IQSEC2: variants seen among roughly 807,000 people sequenced by gnomAD.
IQSEC2 encodes IQ motif and Sec7 domain ArfGEF 2.
IQSEC2 carries 6 observed loss-of-function variants against 74.6 expected under a neutral mutation model. The ratio of observed to expected loss-of-function variants is 0.08; its 90% CI spans 0.04 to 0.16. The LOEUF (loss-of-function observed/expected upper bound fraction) is 0.16. Among genes scored for constraint, IQSEC2 ranks in the 10% least tolerant of loss-of-function variants. The probability of loss-of-function intolerance (pLI) is 1.00; values close to 1 mark genes in which losing one functional copy is unlikely to be tolerated. For synonymous variants in IQSEC2, 494 were observed against 544.5 expected, an observed-to-expected ratio of 0.91 and a Z score of 1.29; for missense variants, 734 against 1,306.2, an observed-to-expected ratio of 0.56 and a Z score of 6.75.
chrX:53,292,668 C>T (rs1007247657), intron 1 of IQSEC2, among the ~76,000 whole-genome samples: 12 of 111,985 alleles, frequency 1.1e-4, no homozygotes, highest in African/African-American at 3.6e-4. Flanking sequence ...GAGTTGGGGA[C>T]ATCACTGAGG....
intron 1 of IQSEC2, among the ~76,000 whole-genome samples, chrX:53,306,388 G>A (rs782062691): frequency 7.2e-5 from 8 of 111,415 alleles, no homozygotes; most frequent in African/African-American, 1.3e-4. Context: ...CCAGGTGTCC[G>A]GTTCCTCGGC....
chrX:53,239,966 A>G (rs1268305056), intron 10 of IQSEC2, among the ~76,000 whole-genome samples: 1 of 111,744 alleles, frequency 8.9e-6, no homozygotes, highest in Non-Finnish European at 1.9e-5. Context: ...GCTCCCTGAG[A>G]ACAGGGACTA....
Position 53,320,956 on chromosome X carries a change from C to T in IQSEC2, c.168G>A (p.Gln56=), listed in dbSNP as rs1361617150. 1 of 1,159,273 alleles carries T rather than the reference C, an allele frequency of 8.6e-7. No homozygotes were observed. The highest frequency in any genetic ancestry group is 1.1e-6 in the Non-Finnish European group (1 of 872,026). Residue 56 remains glutamine, a synonymous_variant, in exon 1 of 15, where the codon CAG becomes CAA. Transcript: ENST00000642864. ...ELEGQLDQLT[Q]ENRDLREESQ... ...TCTCCTCTCGCAGGTCGCGGTTCTC[C>T]TGGGTGAGCTGGTCCAGCTGGCCCT... is the stretch of plus-strand genomic sequence containing the variant.
At chrX:53,249,938 CCT>C (rs2074360116) in intron 5 of IQSEC2, among the ~76,000 whole-genome samples, 1 of 111,585 alleles carries the variant, frequency 9.0e-6, no homozygotes, top group African/African-American at 3.3e-5. Flanking sequence ...GGCCAGGTCT[CCT>C]GTTTCCCAGA....
intron 1 of IQSEC2, among the ~76,000 whole-genome samples, chrX:53,317,998 C>T (rs1338687692): frequency 1.8e-5 from 2 of 112,087 alleles, no homozygotes; most frequent in African/African-American, 6.5e-5. Context: ...CTAAGGCTCT[C>T]CTGGCCTCTC....
intron 5 of IQSEC2, 49 bp from the exon 6 acceptor site, chrX:53,248,931 GCTCT>G: frequency 8.6e-7 from 1 of 1,160,584 alleles, no homozygotes; most frequent in Non-Finnish European, 1.2e-6. Context: ...CTGGAACTGT[GCTCT>G]CTGTCTCATT....
chrX:53,250,906 G>A lies in IQSEC2; in HGVS notation c.1670C>T (p.Pro557Leu). Residue 557 changes from proline (P) to leucine (L), a missense_variant, in exon 5 of 15, where the codon CCA (proline) becomes CTA (leucine). Pro to Leu is a moderately conservative substitution (Grantham distance 98, BLOSUM62 -3). Coordinates refer to ENST00000642864, the MANE Select transcript of IQSEC2 (RefSeq NM_001111125.3). ...APAPLPPVPP[P>L]VPSGTREDGS... ...GTCTTCCCGGGTTCCTGATGGCACT[G>A]GTGGAGGAACTGGCGGGAGAGGGGC... is the stretch of plus-strand genomic sequence containing the variant. 8.3e-7 allele frequency: 1 copy of A among 1,210,912 alleles called. No homozygotes were observed. The highest frequency in any genetic ancestry group is 1.1e-6 in the Non-Finnish European group (1 of 894,439).
At chrX:53,225,827 C>CT (rs1330708047), downstream of IQSEC2, 3 of 112,321 alleles carry the variant, frequency 2.7e-5, no homozygotes, top group African/African-American at 9.7e-5. Context: ...GGAAGGAAAT[C>CT]TTTATTTCAT....
chrX:53,243,559 GGC>G (rs1556861425), intron 8 of IQSEC2, 88 bp from the exon 9 acceptor site: 1 of 1,079,227 alleles, frequency 9.3e-7, no homozygotes, highest in Non-Finnish European at 1.2e-6. Flanking sequence ...CCCAGGCACG[GGC>G]CACGATAGTC....
At chrX:53,235,877 C>A (rs782440035) in intron 13 of IQSEC2, 45 bp from the exon 14 acceptor site, 18 of 1,129,874 alleles carry the variant, frequency 1.6e-5, no homozygotes, top group Middle Eastern at 2.9e-4. Context: ...AGCAACCCCC[C>A]CCCTACCCTG....
chrX:53,286,800 T>C (rs5978151), intron 2 of IQSEC2, among the ~76,000 whole-genome samples: 14,733 of 108,430 alleles, frequency 0.14, 2,481 homozygotes, highest in African/African-American at 0.47. Context: ...ATTAGCTGGG[T>C]GTGGTGGCAC....
At chrX:53,271,351 G>A (rs1556868630) in intron 2 of IQSEC2, among the ~76,000 whole-genome samples, 1 of 112,203 alleles carries the variant, frequency 8.9e-6, no homozygotes, top group African/African-American at 3.2e-5. Context: ...GGGGTAGGAT[G>A]AAAGTTAGTA....
At chrX:53,303,397 A>G (rs1382765806) in intron 1 of IQSEC2, among the ~76,000 whole-genome samples, 1 of 111,284 alleles carries the variant, frequency 9.0e-6, no homozygotes, top group Non-Finnish European at 1.9e-5. Context: ...ACTTCCCTAA[A>G]CCACAAGTGG....
downstream of IQSEC2, chrX:53,230,441 T>C (rs1453459016): frequency 8.8e-6 from 1 of 113,042 alleles, no homozygotes; most frequent in African/African-American, 3.2e-5. Flanking sequence ...GCACTAGCCA[T>C]GTTTCGAGTG....
chrX:53,243,141 G>T (rs984411704), intron 9 of IQSEC2, among the ~76,000 whole-genome samples, 191 bp downstream of exon 9: 20 of 112,152 alleles, frequency 1.8e-4, no homozygotes, highest in Non-Finnish European at 3.4e-4. Flanking sequence ...TATTTATATA[G>T]TACCCACTAT....
chrX:53,281,509 CG>C (rs1252463400), intron 2 of IQSEC2: 26 of 1,147,809 alleles, frequency 2.3e-5, no homozygotes, highest in Middle Eastern at 2.4e-4. Context: ...CTGCTCCTCC[CG>C]GGGGGCTCCA....
At chrX:53,306,708 A>G (rs1464959225) in intron 1 of IQSEC2, among the ~76,000 whole-genome samples, 13 of 112,086 alleles carry the variant, frequency 1.2e-4, no homozygotes, top group African/African-American at 4.2e-4. Context: ...GGAATAAAAT[A>G]AAGTATGAAC....
At chrX:53,251,267 T>C (rs1281187025) in intron 4 of IQSEC2, 93 bp from the exon 5 acceptor site, 930 of 668,769 alleles carry the variant, frequency 1.4e-3, no homozygotes, top group Non-Finnish European at 1.9e-3. Flanking sequence ...GGGAGGGAGG[T>C]AAGGAAAAAG....
In IQSEC2 at chrX:53,320,705, G is replaced by A. The variant is rs1372592100; in HGVS notation, c.419C>T (p.Pro140Leu). Residue 140 changes from proline (P) to leucine (L), a missense_variant, in exon 1 of 15, where the codon CCG becomes CTG. Coordinates refer to ENST00000642864, the MANE Select transcript of IQSEC2 (RefSeq NM_001111125.3). Reference protein sequence around the residue: ...YRDKERDASYPLQDTTGYTAR... With the variant: ...YRDKERDASYLLQDTTGYTAR... ...TGTGTAACCGGTAGTGTCCTGGAGCGGGTAGGAGGCGTCCCGCTCCTTGTC... is the reference window on the plus strand; with the variant it reads ...TGTGTAACCGGTAGTGTCCTGGAGCAGGTAGGAGGCGTCCCGCTCCTTGTC... 2 of 1,165,992 alleles carry A rather than the reference G, an allele frequency of 1.7e-6. No homozygotes were observed. Among genetic ancestry groups the A allele is most frequent in the Non-Finnish European group, 2.3e-6 (2 of 872,495 alleles).
Sources: gnomAD v4.1 joint callset for allele counts (sites outside exome capture counted in the v4.1 genomes callset) on GRCh38, gnomAD v4.1.1 for gene constraint, MANE v1.5 for transcripts, NCBI Gene and HGNC (gene_info 2026-07-23, HGNC 2026-07-21) for gene names.